EXOC4: variants seen among roughly 807,000 people sequenced by gnomAD.
EXOC4 encodes the protein SEC8-like 1.
A neutral mutation model predicts 107.2 loss-of-function variants in EXOC4; 71 were observed. That is an observed-to-expected ratio of 0.66 (90% CI 0.55 to 0.81). The LOEUF is 0.81. Ranked by LOEUF, EXOC4 falls within the 30% of genes least tolerant of loss-of-function variation. EXOC4 has a pLI of 0.00. For synonymous variants in EXOC4, 456 were observed against 441.2 expected (o/e 1.03, Z -0.42); for missense variants, 1,108 against 1,189.6 (o/e 0.93, Z 1.01).
intron 7 of EXOC4, among the ~76,000 whole-genome samples, chr7:133,437,104 G>C (rs1212185351): frequency 6.6e-6 from 1 of 152,032 alleles, no homozygotes. Flanking sequence ...TTTAAATTTT[G>C]CGTGTTATCC....
rs78184783 is a variant in EXOC4 at position 133,844,994 on chromosome 7, G to A, written c.1734+27450G>A. Among the ~76,000 whole-genome samples the A allele has an allele frequency of 8.5e-3, 1,288 of 152,056 alleles. 16 individuals are homozygous for A. The highest frequency in any genetic ancestry group is 0.029 in the African/African-American group (1,219 of 41,488). On this transcript the variant is annotated intron_variant, in intron 11 of 17. Coordinates refer to ENST00000253861, the MANE Select transcript of EXOC4 (RefSeq NM_021807.4). ...ATTTGAAAGGGCCTTTGATTAACTC[G>A]AGCCTGAAAATCCAAAGTTGTATCT...
At chr7:133,928,826 G>T (rs1800108735) in intron 13 of EXOC4, among the ~76,000 whole-genome samples, 1 of 150,020 alleles carries the variant, frequency 6.7e-6, no homozygotes, top group African/African-American at 2.4e-5. Flanking sequence ...GAGGTCAGAA[G>T]ACAGTGTCTA....
rs562483596 is a variant in EXOC4, at chr7:133,805,851, A to G, written c.1515-11474A>G. Among the ~76,000 whole-genome samples, 8 of 152,376 alleles carry G rather than the reference A, an allele frequency of 5.3e-5. No homozygotes were observed. The South Asian group carries it at 8.3e-4, about 16-fold the overall frequency. ...TGAAGGAAGAAGGGATGGAAGAAGG[A>G]AAAATCAGTTAGGAGATTATTTTAG... On this transcript the variant is annotated intron_variant, in intron 10 of 17. Transcript: ENST00000253861.
chr7:133,312,450 T>C (rs774582314), intron 4 of EXOC4, among the ~76,000 whole-genome samples: 2 of 151,980 alleles, frequency 1.3e-5, no homozygotes, highest in Non-Finnish European at 2.9e-5. Flanking sequence ...AAATGTGAGG[T>C]GGGGAATAGG....
the EXOC4 span, among the ~76,000 whole-genome samples, chr7:134,073,795 C>T: frequency 6.6e-6 from 1 of 152,238 alleles, no homozygotes; most frequent in Non-Finnish European, 1.5e-5. Flanking sequence ...AGAGGCTTCC[C>T]CTCCTTCAGG....
chr7:133,772,903 CT>C (rs1170596746), intron 10 of EXOC4, among the ~76,000 whole-genome samples: 1 of 152,018 alleles, frequency 6.6e-6, no homozygotes, highest in Non-Finnish European at 1.5e-5. Flanking sequence ...GGGCTAAGCC[CT>C]GGATGTTTCT....
intron 10 of EXOC4, among the ~76,000 whole-genome samples, chr7:133,767,359 G>T (rs1245766009): frequency 6.6e-6 from 1 of 151,790 alleles, no homozygotes; most frequent in Non-Finnish European, 1.5e-5. Flanking sequence ...GCCATCTAGG[G>T]CTAGACAGAA....
chr7:133,599,255 T>G (rs1801751647), intron 9 of EXOC4, among the ~76,000 whole-genome samples: 3 of 152,204 alleles, frequency 2.0e-5, no homozygotes, highest in South Asian at 2.1e-4. Flanking sequence ...GCCTCATCTC[T>G]TAATAGAGGA....
At chr7:133,321,721 A>T (rs1381972254) in intron 5 of EXOC4, among the ~76,000 whole-genome samples, 1 of 152,168 alleles carries the variant, frequency 6.6e-6, no homozygotes, top group Non-Finnish European at 1.5e-5. Flanking sequence ...ACGATTTATA[A>T]TCTTTGGGTA....
chr7:133,987,247 C>T (rs1330561815), intron 14 of EXOC4, among the ~76,000 whole-genome samples: 1 of 151,968 alleles, frequency 6.6e-6, no homozygotes, highest in East Asian at 1.9e-4. Flanking sequence ...AATCATTTGA[C>T]CCCAAGAGTT....
chr7:133,343,388 C>G (rs1293844444), intron 5 of EXOC4, among the ~76,000 whole-genome samples: 4 of 152,048 alleles, frequency 2.6e-5, no homozygotes, highest in African/African-American at 7.2e-5. Flanking sequence ...CTTCAGGTCT[C>G]TCAGCTGGTC....
chr7:133,501,145 G>T (rs1221074471), intron 9 of EXOC4, among the ~76,000 whole-genome samples: 4 of 152,066 alleles, frequency 2.6e-5, no homozygotes, highest in Non-Finnish European at 5.9e-5. Flanking sequence ...ACTCATTATT[G>T]TATATATCTA....
intron 9 of EXOC4, among the ~76,000 whole-genome samples, chr7:133,614,195 A>G (rs1371208906): frequency 9.2e-5 from 14 of 152,148 alleles, no homozygotes; most frequent in Non-Finnish European, 1.2e-4. Context: ...AGAAGCAAAC[A>G]CCAGGATTTA....
chr7:133,491,180 A>G (rs1799365137), intron 9 of EXOC4, among the ~76,000 whole-genome samples: 1 of 152,242 alleles, frequency 6.6e-6, no homozygotes. Flanking sequence ...AGCCCATATT[A>G]CAGTAATATA....
intron 12 of EXOC4, among the ~76,000 whole-genome samples, chr7:133,914,238 A>G (rs1799756542): frequency 6.7e-6 from 1 of 149,350 alleles, no homozygotes; most frequent in Non-Finnish European, 1.5e-5. Context: ...TAAATATGTA[A>G]CCAAACTCAA....
At chr7:133,840,194 G>A (rs966650878) in intron 11 of EXOC4, among the ~76,000 whole-genome samples, 3 of 152,126 alleles carry the variant, frequency 2.0e-5, no homozygotes, top group African/African-American at 4.8e-5. Context: ...ACCTATAATC[G>A]AATCTGATAC....
At chr7:134,077,518 C>G in the EXOC4 span, among the ~76,000 whole-genome samples, 1 of 152,314 alleles carries the variant, frequency 6.6e-6, no homozygotes, top group South Asian at 2.1e-4. Flanking sequence ...TTCAGGAGGA[C>G]GAGAGAGACC....
chr7:134,038,513 A>G (rs1238578050), intron 17 of EXOC4, among the ~76,000 whole-genome samples: 2 of 152,108 alleles, frequency 1.3e-5, no homozygotes, highest in African/African-American at 4.8e-5. Context: ...GCTGAGCTTC[A>G]TTATGTGGGT....
intron 8 of EXOC4, among the ~76,000 whole-genome samples, chr7:133,477,983 A>G (rs545691404): frequency 6.2e-4 from 94 of 152,252 alleles, no homozygotes; most frequent in African/African-American, 2.2e-3. Context: ...TTCTGAGCAC[A>G]TGGCTGAGTA....
Sources: gnomAD v4.1 joint callset for allele counts (sites outside exome capture counted in the v4.1 genomes callset) on GRCh38, gnomAD v4.1.1 for gene constraint, MANE v1.5 for transcripts, NCBI Gene and HGNC (gene_info 2026-07-23, HGNC 2026-07-21) for gene names.